The following TDRD9 variants were observed in gnomAD, a reference collection of about 807,000 sequenced individuals.
TDRD9 encodes the protein ATP-dependent RNA helicase TDRD9.
TDRD9 carries 124 observed loss-of-function variants against 172.6 expected under a neutral mutation model. That is an observed-to-expected ratio of 0.72 (90% CI 0.62 to 0.83). The LOEUF (loss-of-function observed/expected upper bound fraction) is 0.83. TDRD9 is among the 40% of genes least tolerant of loss of function. The pLI, the probability that TDRD9 is intolerant of heterozygous loss-of-function variation, is 0.00. For missense variants in TDRD9, 1,479 were observed against 1,714.1 expected, an observed-to-expected ratio of 0.86 and a Z score of 2.42; for synonymous variants, 619 against 617.1, an observed-to-expected ratio of 1.00 and a Z score of -0.05.
intron 23 of TDRD9, among the ~76,000 whole-genome samples, chr14:104,021,343 C>G (rs1371154991): frequency 1.3e-5 from 2 of 152,168 alleles, no homozygotes; most frequent in Non-Finnish European, 2.9e-5. Flanking sequence ...CAGATCTAAA[C>G]CATATCACTT....
Position 103,936,796 on chromosome 14 carries a change from A to G in TDRD9, c.215+8072A>G, listed in dbSNP as rs552529882. Among the ~76,000 whole-genome samples the G allele has an allele frequency of 9.8e-5, 15 of 152,292 alleles. No homozygotes were observed. In the East Asian group the frequency reaches 2.7e-3, roughly 28 times the overall value. ...GGCATGATGTAGATGCTTAGTTAAT[A>G]TTTGTTGAATGATGGCCTGGCATAG... On this transcript the variant is annotated intron_variant, in intron 1 of 35. Transcript: ENST00000409874.
At chr14:104,018,034 G>A in intron 22 of TDRD9, 58 bp from the exon 23 acceptor site, 5 of 1,036,846 alleles carry the variant, frequency 4.8e-6, no homozygotes, top group Non-Finnish European at 7.3e-6. Context: ...GCTTGTGAAT[G>A]TTGAAACTAT....
rs986708647 is a variant in TDRD9 at position 103,980,418 on chromosome 14, GGA to G, written c.1011+4875_1011+4876del. ...CTGGCAGCCAAGGCAGAGAGAGAGA[GGA>G]GAGAGAGAGGGAGAGACAGCTTATG... On this transcript the variant is annotated intron_variant, in intron 7 of 35. Transcript: ENST00000409874. The surrounding 1 kb of genome is among the most constrained non-coding windows in gnomAD (Gnocchi z 4.5). 2.0e-5 allele frequency among the ~76,000 whole-genome samples: 3 copies of G among 151,984 alleles called. No homozygotes were observed. Among genetic ancestry groups the G allele is most frequent in the Admixed American group, 2.0e-4 (3 of 15,254 alleles).
intron 7 of TDRD9, among the ~76,000 whole-genome samples, chr14:103,985,774 T>C (rs1001931390): frequency 2.0e-5 from 3 of 152,216 alleles, no homozygotes; most frequent in African/African-American, 7.2e-5. Flanking sequence ...ACTTTTGATA[T>C]ACAAGGTTAC....
chr14:103,983,357 C>T (rs2033553756), intron 7 of TDRD9, among the ~76,000 whole-genome samples: 1 of 151,900 alleles, frequency 6.6e-6, no homozygotes, highest in South Asian at 2.1e-4. Flanking sequence ...GCCACCGTGC[C>T]CAGCCTAAAA....
intron 32 of TDRD9, 39 bp from the exon 33 acceptor site, chr14:104,040,157 T>C: frequency 7.2e-7 from 1 of 1,381,480 alleles, no homozygotes; most frequent in Non-Finnish European, 9.5e-7. Flanking sequence ...ACTTTAACAA[T>C]TCTGAAATAA....
chr14:103,952,250 T>A (rs1435110599), intron 1 of TDRD9, among the ~76,000 whole-genome samples: 3 of 55,796 alleles, frequency 5.4e-5, no homozygotes, highest in Non-Finnish European at 1.0e-4. Context: ...TTTTTTTTTT[T>A]TTTTTTTTGA....
At chr14:104,005,492 T>C in intron 15 of TDRD9, 87 bp downstream of exon 15, 1 of 1,423,500 alleles carries the variant, frequency 7.0e-7, no homozygotes, top group Non-Finnish European at 9.8e-7. Context: ...ACTTTCCCAC[T>C]AACTCTGATC....
At chr14:104,005,544 A>G in intron 15 of TDRD9, 139 bp downstream of exon 15, 1 of 884,936 alleles carries the variant, frequency 1.1e-6, no homozygotes, top group South Asian at 1.7e-5. Flanking sequence ...CTCCTGCCTC[A>G]CTTTCCCGCT....
intron 1 of TDRD9, chr14:103,941,208 G>T: frequency 9.7e-7 from 1 of 1,031,782 alleles, no homozygotes; most frequent in Non-Finnish European, 1.4e-6. Context: ...CCCACCTTTT[G>T]AGTATTTTGC....
At chr14:104,040,014 A>G (rs2035566000) in intron 32 of TDRD9, among the ~76,000 whole-genome samples, 182 bp from the exon 33 acceptor site, 1 of 151,656 alleles carries the variant, frequency 6.6e-6, no homozygotes, top group South Asian at 2.1e-4. Flanking sequence ...TACTATTCTT[A>G]TAACTATATT....
intron 1 of TDRD9, among the ~76,000 whole-genome samples, chr14:103,952,573 T>G (rs1232339123): frequency 1.3e-5 from 2 of 151,576 alleles, no homozygotes; most frequent in South Asian, 4.2e-4. Flanking sequence ...AATAAAAAGA[T>G]TGAAAAAAAT....
chr14:104,030,734 A>C lies in TDRD9; in HGVS notation c.3283-374A>C, dbSNP rs1370786741. 3.3e-5 allele frequency among the ~76,000 whole-genome samples: 5 copies of C among 152,212 alleles called. No individual in the cohort carries two copies. In the South Asian group the frequency reaches 6.2e-4, roughly 19 times the overall value. On this transcript the variant is annotated intron_variant, in intron 28 of 35. Transcript: ENST00000409874. Reference sequence around the variant, plus strand: ...TCAGTAAACTATCGCAAGGACAAAAAACCAAACACCGCATGTTCTCACTCA... The same window carrying C: ...TCAGTAAACTATCGCAAGGACAAAACACCAAACACCGCATGTTCTCACTCA...
rs2033849160 is a variant in TDRD9, at chr14:103,991,179, G to A, written c.1135G>A (p.Ala379Thr). 1.9e-6 allele frequency: 3 copies of A among 1,613,978 alleles called. No homozygotes were observed. The highest frequency in any genetic ancestry group is 1.3e-5 in the African/African-American group (1 of 75,038). The change falls in exon 9 of 36, where the codon GCC becomes ACC. Residue 379 changes from alanine to threonine, a missense_variant. This residue lies in a region of TDRD9 where 1,413 missense variants were observed against 1,649.1 expected (regional missense o/e 0.86). Transcript: ENST00000409874. The part of the protein sequence containing the change: ...KESGNKAWSG[A>T]QFVLERSSVL... ...TAACAGGAACAAGGCTTGGTCGGGGGCCCAGTTTGTGTTGGAGCGAAGCAG... is the reference window on the plus strand; with the variant it reads ...TAACAGGAACAAGGCTTGGTCGGGGACCCAGTTTGTGTTGGAGCGAAGCAG...
chr14:104,043,831 A>G (rs567986697), intron 34 of TDRD9, among the ~76,000 whole-genome samples: 7 of 152,208 alleles, frequency 4.6e-5, no homozygotes, highest in Non-Finnish European at 8.8e-5. Context: ...AAGTTTACTC[A>G]TAAGTATTGT....
In TDRD9 at chr14:104,016,071, C is replaced by T; in HGVS notation, c.2314C>T (p.Pro772Ser). The change falls in exon 22 of 36, where the codon CCC (proline) becomes TCC (serine). Residue 772 changes from proline (P) to serine (S), a missense_variant. This residue lies in a region of TDRD9 where 1,413 missense variants were observed against 1,649.1 expected (regional missense o/e 0.86). Coordinates refer to ENST00000409874, the MANE Select transcript of TDRD9 (RefSeq NM_153046.3). ...MAVRELAGKD[P>S]KTTVVLKHIP... Reference sequence around the variant, plus strand: ...GGTGAGGGAGCTGGCTGGCAAGGACCCCAAGACAACTGTCGTGGTAGGTGC... The same window carrying T: ...GGTGAGGGAGCTGGCTGGCAAGGACTCCAAGACAACTGTCGTGGTAGGTGC... 1 of 1,602,444 alleles carries T rather than the reference C, an allele frequency of 6.2e-7. No individual in the cohort carries two copies. Among genetic ancestry groups the T allele is most frequent in the Admixed American group, 1.7e-5 (1 of 58,564 alleles).
chr14:104,007,051 A>T, intron 18 of TDRD9, 109 bp from the exon 19 acceptor site: 1 of 1,190,250 alleles, frequency 8.4e-7, no homozygotes, highest in Non-Finnish European at 1.2e-6. Flanking sequence ...TGAAAAAATT[A>T]AATTTGTAAA....
chr14:103,976,544 A>G (rs528423091), intron 7 of TDRD9, among the ~76,000 whole-genome samples: 3 of 152,124 alleles, frequency 2.0e-5, no homozygotes, highest in Non-Finnish European at 4.4e-5. Context: ...TACAGGCATG[A>G]GCCACCGCGC....
chr14:103,931,191 C>T (rs975323625), intron 1 of TDRD9, among the ~76,000 whole-genome samples: 2 of 151,422 alleles, frequency 1.3e-5, no homozygotes, highest in Non-Finnish European at 2.9e-5. Context: ...CCCAGCTACT[C>T]AGGAGGCTGA....
Sources: allele counts gnomAD v4.1 joint callset (sites outside exome capture counted in the v4.1 genomes callset), GRCh38; gene constraint gnomAD v4.1.1; regional missense constraint gnomAD v4.1.1; non-coding constraint Gnocchi (gnomAD v3.1); transcripts MANE v1.5; gene names NCBI Gene and HGNC (gene_info 2026-07-23, HGNC 2026-07-21).